The following THADA variants were observed in gnomAD, a reference collection of about 807,000 sequenced individuals.
The protein encoded by THADA is tRNA (32-2'-O)-methyltransferase regulator THADA.
A neutral mutation model predicts 219.8 loss-of-function variants in THADA; 213 were observed. The ratio of observed to expected loss-of-function variants is 0.97; its 90% confidence interval spans 0.87 to 1.09. The LOEUF (loss-of-function observed/expected upper bound fraction) is 1.09. THADA is among the 50% of genes least tolerant of loss of function. THADA has a pLI of 0.00. For synonymous variants in THADA, 1,018 were observed against 828.9 expected (o/e 1.23, Z -3.92); for missense variants, 2,956 against 2,311.3 (o/e 1.28, Z -5.72).
chr2:43,539,595 T>C (rs766983831), intron 21 of THADA, among the ~76,000 whole-genome samples: 5 of 152,344 alleles, frequency 3.3e-5, no homozygotes, highest in Admixed American at 1.3e-4. Context: ...CTATTACATA[T>C]ACAGTTCATC....
chr2:43,306,542 A>G (rs1676884762), intron 31 of THADA, among the ~76,000 whole-genome samples: 1 of 152,136 alleles, frequency 6.6e-6, no homozygotes, highest in African/African-American at 2.4e-5. Context: ...AAGAGAGGCT[A>G]GGATCACCCA....
chr2:43,433,073 G>C (rs1679579171), intron 26 of THADA, among the ~76,000 whole-genome samples: 2 of 152,030 alleles, frequency 1.3e-5, no homozygotes, highest in African/African-American at 2.4e-5. Flanking sequence ...TCTTCCTCTA[G>C]AAGCTTTATG....
rs867089681 is a variant in THADA at position 43,320,014 on chromosome 2, C to A, written c.4438+432G>T. 5.9e-5 allele frequency among the ~76,000 whole-genome samples: 9 copies of A among 152,292 alleles called. No individual in the cohort carries two copies. In the South Asian group the frequency reaches 1.2e-3, roughly 21 times the overall value. On this transcript the variant is annotated intron_variant, in intron 31 of 37. Coordinates refer to ENST00000405975, the MANE Select transcript of THADA (RefSeq NM_022065.5). ...GGAAAGTCAGAGTCTGAGGCAGCAA[C>A]TCATAAGTGCATTGGTGTAGGGGTC... is the stretch of plus-strand genomic sequence containing the variant.
chr2:43,552,041 T>C, intron 18 of THADA, 116 bp from the exon 19 acceptor site: 1 of 1,543,066 alleles, frequency 6.5e-7, no homozygotes, highest in Non-Finnish European at 8.7e-7. Flanking sequence ...ATAAAACATG[T>C]GAGACATAAA....
intron 8 of THADA, among the ~76,000 whole-genome samples, chr2:43,581,121 T>A (rs1193976639): frequency 1.3e-5 from 2 of 152,174 alleles, no homozygotes; most frequent in African/African-American, 2.4e-5. Context: ...TTCGTTAATC[T>A]TATTATAATA....
intron 26 of THADA, among the ~76,000 whole-genome samples, chr2:43,442,808 C>T (rs1238419697): frequency 6.6e-6 from 1 of 152,178 alleles, no homozygotes; most frequent in Non-Finnish European, 1.5e-5. Flanking sequence ...AGGACCATGT[C>T]TTCTAGTTCC....
rs181119214 is a variant in THADA at position 43,415,063 on chromosome 2, G to A, written c.4058+13037C>T. On this transcript the variant is annotated intron_variant, in intron 28 of 37. Coordinates refer to ENST00000405975, the MANE Select transcript of THADA (RefSeq NM_022065.5). ...GCAACTTGCTTTCTCCCTTTGTTTC[G>A]AGTTCTACATTTTCTCCCCAACGTA... Among the ~76,000 whole-genome samples, 107 of 152,236 alleles carry A rather than the reference G, an allele frequency of 7.0e-4. 2 individuals are homozygous for A. The highest frequency in any genetic ancestry group is 6.2e-3 in the Admixed American group (95 of 15,292).
At chr2:43,388,378 G>T (rs1049279174) in intron 29 of THADA, among the ~76,000 whole-genome samples, 1 of 152,134 alleles carries the variant, frequency 6.6e-6, no homozygotes, top group Non-Finnish European at 1.5e-5. Flanking sequence ...GACAGTAAGA[G>T]TGGAATGGCT....
intron 36 of THADA, among the ~76,000 whole-genome samples, chr2:43,243,386 G>C (rs931981300): frequency 6.6e-6 from 1 of 152,174 alleles, no homozygotes; most frequent in South Asian, 2.1e-4. Context: ...ACATTCTACA[G>C]TGTTCACGAT....
In THADA at chr2:43,572,940, C is replaced by A. The variant is rs141966467; in HGVS notation, c.1782G>T (p.Leu594=). ...SLGSCNSRGA[L]GALMACLRIA... ...TTCGCAGACATGCCATCAAAGCTCCCAGAGCCCCCCTGCTATTACAAGACC... is the reference window on the plus strand; with the variant it reads ...TTCGCAGACATGCCATCAAAGCTCCAAGAGCCCCCCTGCTATTACAAGACC... Residue 594 remains leucine, a synonymous_variant, in exon 12 of 38, where the codon CTG becomes CTT. Transcript: ENST00000405975. The A allele has an allele frequency of 1.9e-6, 3 of 1,613,950 alleles. No homozygotes were observed. Among genetic ancestry groups the A allele is most frequent in the Non-Finnish European group, 2.5e-6 (3 of 1,179,866 alleles).
At chr2:43,392,450 G>C (rs1673503886) in intron 29 of THADA, among the ~76,000 whole-genome samples, 1 of 152,124 alleles carries the variant, frequency 6.6e-6, no homozygotes, top group African/African-American at 2.4e-5. Context: ...CTGTAGAATA[G>C]AGTGAAGGAT....
chr2:43,267,581 G>C (rs1216652036), intron 36 of THADA, among the ~76,000 whole-genome samples: 1 of 152,190 alleles, frequency 6.6e-6, no homozygotes, highest in Non-Finnish European at 1.5e-5. Context: ...ACGAGGGCCT[G>C]GCTGATAAGA....
At chr2:43,511,458 T>G (rs1004000101) in intron 22 of THADA, among the ~76,000 whole-genome samples, 1 of 152,136 alleles carries the variant, frequency 6.6e-6, no homozygotes, top group African/African-American at 2.4e-5. Flanking sequence ...TGCATGAACT[T>G]TCAGTGGCTC....
chr2:43,365,566 G>GACAC (rs375762944), intron 29 of THADA, among the ~76,000 whole-genome samples: 9,507 of 143,514 alleles, frequency 0.066, 385 homozygotes, highest in Middle Eastern at 0.13. Flanking sequence ...GCAAGACTCT[G>GACAC]ACACACACAC....
At chr2:43,570,676 A>G (rs1006908534) in intron 13 of THADA, among the ~76,000 whole-genome samples, 166 bp from the exon 14 acceptor site, 1 of 152,232 alleles carries the variant, frequency 6.6e-6, no homozygotes, top group African/African-American at 2.4e-5. Flanking sequence ...TTTTTATACC[A>G]AAAACAAACT....
intron 21 of THADA, among the ~76,000 whole-genome samples, chr2:43,536,720 A>T (rs1021240679): frequency 1.2e-4 from 18 of 152,182 alleles, no homozygotes; most frequent in South Asian, 2.1e-4. Flanking sequence ...CATTAAAAAA[A>T]ATATAAATAT....
intron 22 of THADA, among the ~76,000 whole-genome samples, chr2:43,509,052 A>C (rs1168558773): frequency 6.6e-6 from 1 of 152,216 alleles, no homozygotes; most frequent in Non-Finnish European, 1.5e-5. Context: ...CACTCAAAAT[A>C]TTCAGGAAAA....
At chr2:43,364,801 T>C (rs1669939431) in intron 29 of THADA, among the ~76,000 whole-genome samples, 1 of 152,102 alleles carries the variant, frequency 6.6e-6, no homozygotes, top group African/African-American at 2.4e-5. Context: ...GAGTTAGAGA[T>C]GAATGAAAGG....
intron 29 of THADA, among the ~76,000 whole-genome samples, chr2:43,358,435 G>C (rs968772293): frequency 8.5e-5 from 13 of 152,250 alleles, no homozygotes; most frequent in Admixed American, 3.9e-4. Flanking sequence ...CTGAAGAGCA[G>C]GTCAGAGGAG....
Sources: allele counts gnomAD v4.1 joint callset (sites outside exome capture counted in the v4.1 genomes callset), GRCh38; gene constraint gnomAD v4.1.1; transcripts MANE v1.5; gene names NCBI Gene and HGNC (gene_info 2026-07-23, HGNC 2026-07-21).